SLC6A12: variants seen among roughly 807,000 people sequenced by gnomAD.
The protein encoded by SLC6A12 is sodium- and chloride-dependent betaine transporter.
SLC6A12 carries 50 observed loss-of-function variants against 73.3 expected under a neutral mutation model. The ratio of observed to expected loss-of-function variants is 0.68; its 90% CI spans 0.54 to 0.86. The LOEUF (loss-of-function observed/expected upper bound fraction) is 0.86. Among genes scored for constraint, SLC6A12 ranks in the 40% least tolerant of loss-of-function variants. SLC6A12 has a pLI of 0.00. For missense variants in SLC6A12, 648 were observed against 772.8 expected (o/e 0.84, Z 1.92); for synonymous variants, 304 against 309.2 (o/e 0.98, Z 0.18).
intron 4 of SLC6A12, among the ~76,000 whole-genome samples, 183 bp downstream of exon 4, chr12:204,381 G>A (rs1036498382): frequency 2.0e-5 from 3 of 152,214 alleles, no homozygotes; most frequent in African/African-American, 7.2e-5. Flanking sequence ...CAGCTTGCTC[G>A]GGAGCCAGTG....
intron 7 of SLC6A12, 35 bp downstream of exon 7, chr12:200,616 C>G: frequency 1.2e-6 from 2 of 1,608,024 alleles, no homozygotes; most frequent in South Asian, 1.1e-5. Flanking sequence ...ACTCTGGGGG[C>G]CAAAGGGAGC....
At position 191,091 on chromosome 12, in the gene SLC6A12, C is replaced by A; in HGVS notation, c.1822G>T (p.Gly608Trp). The A allele has an allele frequency of 1.5e-6, 2 of 1,335,222 alleles. No individual in the cohort carries two copies. The allele number at this position is 1,335,222 out of a possible 1,614,324, so 82.7% of individuals were successfully genotyped here. A position where few individuals can be genotyped will look rare whatever the true frequency, so the allele number is the denominator to read the frequency against. Residue 608 changes from glycine (G) to tryptophan (W), a missense_variant, in exon 16 of 16, where the codon GGG becomes TGG. By Grantham distance (184) the Gly-to-Trp change is radical. Transcript: ENST00000684302. Reference protein sequence around the residue: ...PSPTREGLIAGEKETHL With the variant: ...PSPTREGLIAWEKETHL Reference sequence around the variant, plus strand: ...CCCTACAAATGGGTCTCCTTCTCCCCGGCTATCAGTCCTTCCCTTGTTGGG... The same window carrying A: ...CCCTACAAATGGGTCTCCTTCTCCCAGGCTATCAGTCCTTCCCTTGTTGGG...
intron 12 of SLC6A12, 77 bp from the exon 13 acceptor site, chr12:195,404 TG>T: frequency 1.1e-6 from 1 of 948,798 alleles, no homozygotes; most frequent in Non-Finnish European, 1.7e-6. Context: ...AGATGGCAAA[TG>T]CCCACGTGGG....
At chr12:199,188 A>G (rs1401821586) in intron 7 of SLC6A12, 4 of 521,640 alleles carry the variant, frequency 7.7e-6, no homozygotes, top group Non-Finnish European at 1.4e-5. Flanking sequence ...GGCAGGGTAC[A>G]GGCTTCCAGC....
chr12:202,638 C>A, intron 5 of SLC6A12, 102 bp downstream of exon 5: 1 of 1,261,492 alleles, frequency 7.9e-7, no homozygotes, highest in Non-Finnish European at 1.1e-6. Context: ...GGCTGCCAGG[C>A]AGGTTCTGCT....
chr12:209,902 C>T lies in SLC6A12; in HGVS notation c.85G>A (p.Asp29Asn). The part of the protein sequence containing the change: ...PEEGEKLDQE[D>N]EDQVKDRGQW... The stretch of plus-strand genomic sequence containing the variant: ...CCCCGATCCTTCACCTGGTCCTCGT[C>T]TTCCTGGTCCAACTTCTCTCCCTCC... Residue 29 changes from aspartate to asparagine, a missense_variant, in exon 3 of 16, where the codon GAC (aspartate) becomes AAC (asparagine). By Grantham distance (23) the Asp-to-Asn change is conservative (BLOSUM62 1). Coordinates refer to ENST00000684302, the MANE Select transcript of SLC6A12 (RefSeq NM_001122848.3). The T allele has an allele frequency of 6.2e-7, 1 of 1,614,226 alleles. No individual in the cohort carries two copies. Among genetic ancestry groups the T allele is most frequent in the Non-Finnish European group, 8.5e-7 (1 of 1,180,040 alleles).
chr12:188,487 CG>C (rs1468431607), downstream of SLC6A12, among the ~76,000 whole-genome samples: 1 of 152,202 alleles, frequency 6.6e-6, no homozygotes, highest in Non-Finnish European at 1.5e-5. Flanking sequence ...CTGAGGGAGC[CG>C]GCTCCGGCCT....
intron 3 of SLC6A12, among the ~76,000 whole-genome samples, chr12:208,787 A>G (rs1242466204): frequency 2.6e-5 from 4 of 152,178 alleles, no homozygotes; most frequent in Non-Finnish European, 4.4e-5. Flanking sequence ...TGGCTGCACA[A>G]TTCTGTGACT....
intron 7 of SLC6A12, among the ~76,000 whole-genome samples, chr12:200,255 C>T (rs1019264796): frequency 6.6e-5 from 10 of 150,720 alleles, no homozygotes; most frequent in Admixed American, 2.0e-4. Flanking sequence ...ACTACAGGTG[C>T]CCACCACCAC....
At position 210,045 on chromosome 12, in the gene SLC6A12, T is replaced by C. The variant is rs1940840626; in HGVS notation, c.-57-2A>G. 1 of 1,592,770 alleles carries C rather than the reference T, an allele frequency of 6.3e-7. No homozygotes were observed. Among genetic ancestry groups the C allele is most frequent in the Non-Finnish European group, 8.6e-7 (1 of 1,167,046 alleles). ...GGGCAGGATGACGAGGGCCAAAGCC[T>C]GGTGGGAAGAGAAGAAATTAGCTGT... On this transcript the variant is annotated splice_acceptor_variant, in intron 2 of 15. Transcript: ENST00000684302. LOFTEE classifies it low-confidence loss of function (5UTR_SPLICE).
chr12:210,026 G>A lies in SLC6A12; in HGVS notation c.-40C>T, dbSNP rs377672211. 10 of 1,607,864 alleles carry A rather than the reference G, an allele frequency of 6.2e-6. No homozygotes were observed. In the African/African-American group the frequency reaches 1.3e-4, roughly 21 times the overall value. ...TTGGGAAGCCCCGCTGGGTGGGCAGGATGACGAGGGCCAAAGCCTGGTGGG... is the reference window on the plus strand; with the variant it reads ...TTGGGAAGCCCCGCTGGGTGGGCAGAATGACGAGGGCCAAAGCCTGGTGGG... On this transcript the variant is annotated 5_prime_UTR_variant, in exon 3 of 16. Transcript: ENST00000684302.
In SLC6A12 at chr12:197,949, A is replaced by AC. The variant is rs779816509; in HGVS notation, c.900dup (p.Cys301ValfsTer54). On this transcript the variant is annotated frameshift_variant, in exon 9 of 16. Transcript: ENST00000684302. LOFTEE classifies it high-confidence loss of function. ...TTGTAGCTGCCCAGGGCTGTCAGGC[A>AC]CCCCTGGCAGATGGCAAAGGAGAAG... 2.5e-6 allele frequency: 4 copies of AC among 1,604,686 alleles called. No homozygotes were observed. Among genetic ancestry groups the AC allele is most frequent in the Non-Finnish European group, 2.5e-6 (3 of 1,177,076 alleles).
At chr12:186,848 G>A (rs1939440353), downstream of SLC6A12, among the ~76,000 whole-genome samples, 2 of 152,260 alleles carry the variant, frequency 1.3e-5, no homozygotes, top group South Asian at 2.1e-4. Context: ...GCATCATAGG[G>A]TGTGAGGTCC....
chr12:192,442 C>T (rs774772049), intron 15 of SLC6A12, 36 bp downstream of exon 15: 17 of 1,601,110 alleles, frequency 1.1e-5, no homozygotes, highest in Non-Finnish European at 1.4e-5. Flanking sequence ...TCTCAGTGCC[C>T]TCCTTTAAGA....
intron 10 of SLC6A12, among the ~76,000 whole-genome samples, 180 bp downstream of exon 10, chr12:197,197 T>TCCATCTATCCATCCATCCATCCATC: frequency 1.6e-4 from 1 of 6,174 alleles, no homozygotes; most frequent in Non-Finnish European, 2.8e-4. Context: ...ATCCATCCAT[T>TCCATCTATCCATCCATCCATCCATC]CATCCATCCA....
rs1162597845 is a variant in SLC6A12 at position 200,752 on chromosome 12, G to T, written c.610C>A (p.His204Asn). Reference sequence around the variant, plus strand: ...TCCCAGCGCAGGGAGCCCAGGTCATGGATGCCCGAGGTGATGCCCAGAACT... The same window carrying T: ...TCCCAGCGCAGGGAGCCCAGGTCATTGATGCCCGAGGTGATGCCCAGAACT... ...RRVLGITSGI[H>N]DLGSLRWELA... The change falls in exon 7 of 16, where the codon CAT (histidine) becomes AAT (asparagine). Residue 204 changes from histidine (H) to asparagine (N), a missense_variant. His to Asn is a moderately conservative substitution (Grantham distance 68). Transcript: ENST00000684302. 1 of 1,613,946 alleles carries T rather than the reference G, an allele frequency of 6.2e-7. No homozygotes were observed. The highest frequency in any genetic ancestry group is 8.5e-7 in the Non-Finnish European group (1 of 1,179,988).
chr12:208,277 G>A (rs1054647837), intron 3 of SLC6A12, among the ~76,000 whole-genome samples: 2 of 152,086 alleles, frequency 1.3e-5, no homozygotes, highest in African/African-American at 2.4e-5. Context: ...TCTGGCCCAG[G>A]GTCAGCCTCA....
intron 9 of SLC6A12, 45 bp downstream of exon 9, chr12:197,855 G>A: frequency 7.5e-7 from 1 of 1,325,744 alleles, no homozygotes; most frequent in African/African-American, 1.6e-5. Context: ...CCCATCCCCA[G>A]GCCCCAACCC....
Position 198,073 on chromosome 12 carries a change from G to T in SLC6A12, c.847-70C>A. The T allele has an allele frequency of 7.9e-7, 1 of 1,269,504 alleles. No homozygotes were observed. The highest frequency in any genetic ancestry group is 1.1e-6 in the Non-Finnish European group (1 of 873,826). The allele number at this position is 1,269,504 out of a possible 1,614,324, so 78.6% of individuals were successfully genotyped here. On this transcript the variant is annotated intron_variant, in intron 8 of 15. Coordinates refer to ENST00000684302, the MANE Select transcript of SLC6A12 (RefSeq NM_001122848.3). This position sits in a 1 kb window ranked among gnomAD's most constrained non-coding sequence, Gnocchi z 4.0. ...CAGAGCCAGGGTGACCCGAGATCCA[G>T]ACCCGTCCCCTGCAGCACCAGCCTG...
Sources: allele counts gnomAD v4.1 joint callset (sites outside exome capture counted in the v4.1 genomes callset), GRCh38; gene constraint gnomAD v4.1.1; non-coding constraint Gnocchi (gnomAD v3.1); transcripts MANE v1.5; gene names NCBI Gene and HGNC (gene_info 2026-07-23, HGNC 2026-07-21).